The following TMEM35A variants were observed in gnomAD, a reference collection of about 807,000 sequenced individuals.
TMEM35A encodes the protein nicotinic acetylcholine receptor chaperone.
For missense variants in TMEM35A, 83 were observed against 132.7 expected (o/e 0.63, Z 1.84); for synonymous variants, 50 against 54.7 (o/e 0.91, Z 0.38).
intron 1 of TMEM35A, among the ~76,000 whole-genome samples, chrX:101,079,705 C>T (rs924007480): frequency 6.3e-5 from 7 of 111,770 alleles, no homozygotes; most frequent in Non-Finnish European, 1.1e-4. Flanking sequence ...ATAAAGGTCA[C>T]TAAGCTCTTG....
Position 101,094,884 on chromosome X carries a change from T to A in TMEM35A, c.432T>A (p.Pro144=). ...AAGACCGGTCTTCTGAGAAGAAGCC[T>A]TTGCCAGGGAATGCTGAGGAGCAAC... The part of the protein sequence containing the change: ...KPEDRSSEKK[P]LPGNAEEQPS... The change falls in exon 2 of 2, where the codon CCT becomes CCA. Residue 144 remains proline (P), a synonymous_variant. Coordinates refer to ENST00000372930, the MANE Select transcript of TMEM35A (RefSeq NM_021637.3). 1.7e-6 allele frequency: 2 copies of A among 1,209,554 alleles called. No individual in the cohort carries two copies. Among genetic ancestry groups the A allele is most frequent in the Non-Finnish European group, 2.2e-6 (2 of 895,255 alleles).
chrX:101,082,701 A>G (rs887881433), intron 1 of TMEM35A, among the ~76,000 whole-genome samples: 8 of 110,142 alleles, frequency 7.3e-5, no homozygotes, highest in Non-Finnish European at 1.5e-4. Flanking sequence ...CTGGAGTGCA[A>G]TGGTATGATC....
At chrX:101,093,879 C>T (rs751748061) in intron 1 of TMEM35A, among the ~76,000 whole-genome samples, 131 of 111,282 alleles carry the variant, frequency 1.2e-3, no homozygotes, top group Non-Finnish European at 2.1e-3. Context: ...CTAACTGTGT[C>T]CTCACATGGC....
Position 101,094,556 on chromosome X carries a change from C to A in TMEM35A, c.121-17C>A. The A allele has an allele frequency of 8.5e-7, 1 of 1,173,794 alleles. No homozygotes were observed. On this transcript the variant is annotated splice_polypyrimidine_tract_variant and intron_variant, in intron 1 of 1. Coordinates refer to ENST00000372930, the MANE Select transcript of TMEM35A (RefSeq NM_021637.3). ...CATGGTTAATGCAGTAATTTCCTTA[C>A]AATATTCTCACTCTAGAAACGTGCT...
At chrX:101,084,402 T>C (rs2089300805) in intron 1 of TMEM35A, among the ~76,000 whole-genome samples, 1 of 107,515 alleles carries the variant, frequency 9.3e-6, no homozygotes, top group Admixed American at 1.0e-4. Context: ...CAGGCTGAGA[T>C]TTTTTGCCAA....
chrX:101,090,477 A>G (rs2089321044), intron 1 of TMEM35A, among the ~76,000 whole-genome samples: 1 of 108,179 alleles, frequency 9.2e-6, no homozygotes, highest in African/African-American at 3.4e-5. Context: ...CTCTCTTTCC[A>G]TTTTTTAAAT....
At chrX:101,092,878 T>TA (rs1297096984) in intron 1 of TMEM35A, among the ~76,000 whole-genome samples, 1 of 110,751 alleles carries the variant, frequency 9.0e-6, no homozygotes, top group East Asian at 2.8e-4. Context: ...TAAAAATAAA[T>TA]AAATAAAATA....
rs1016764114 is a variant in TMEM35A at position 101,095,012 on chromosome X, A to G, written c.*56A>G. On this transcript the variant is annotated 3_prime_UTR_variant, in exon 2 of 2. Transcript: ENST00000372930. ...AGGCAGTTGCGTCCATGACACCAGGAAGATGTCAGTGTGTGTTTTTCATTT... is the reference window on the plus strand; with the variant it reads ...AGGCAGTTGCGTCCATGACACCAGGGAGATGTCAGTGTGTGTTTTTCATTT... The G allele has an allele frequency of 6.5e-6, 7 of 1,075,407 alleles. No individual in the cohort carries two copies. The Admixed American group carries it at 9.3e-5, about 14-fold the overall frequency. 88.6% of individuals were successfully genotyped at this position (1,075,407 alleles called of 1,213,427 possible).
At chrX:101,091,115 A>G (rs953687824) in intron 1 of TMEM35A, among the ~76,000 whole-genome samples, 4 of 110,857 alleles carry the variant, frequency 3.6e-5, no homozygotes. Context: ...TGCTGGGATT[A>G]CAGGCGTGAG....
chrX:101,089,578 T>TA (rs761258471), intron 1 of TMEM35A, among the ~76,000 whole-genome samples: 3,145 of 83,467 alleles, frequency 0.038, 132 homozygotes, highest in African/African-American at 0.12. Context: ...GGGCTGTCTC[T>TA]AAAAAAAAAA....
At chrX:101,081,638 A>AT (rs1348707041) in intron 1 of TMEM35A, 1 of 111,328 alleles carries the variant, frequency 9.0e-6, no homozygotes, top group African/African-American at 3.3e-5. Context: ...ATTATCTGGG[A>AT]TTTTTTGTTT....
chrX:101,079,430 C>T (rs2089285373), intron 1 of TMEM35A, among the ~76,000 whole-genome samples: 1 of 111,602 alleles, frequency 9.0e-6, no homozygotes, highest in Non-Finnish European at 1.9e-5. Context: ...CCCTTCCCTC[C>T]TTCCAGCACA....
chrX:101,093,470 C>T (rs2148111696), intron 1 of TMEM35A, among the ~76,000 whole-genome samples: 1 of 109,858 alleles, frequency 9.1e-6, no homozygotes, highest in East Asian at 2.9e-4. Flanking sequence ...TGCCCCACCA[C>T]ACCCGGCTAA....
At chrX:101,080,390 C>T (rs1310577662) in intron 1 of TMEM35A, among the ~76,000 whole-genome samples, 1 of 111,890 alleles carries the variant, frequency 8.9e-6, no homozygotes. Context: ...TGGCTTCTGT[C>T]TCAGGGTTTA....
At chrX:101,083,560 T>C (rs891705355) in intron 1 of TMEM35A, among the ~76,000 whole-genome samples, 5 of 112,031 alleles carry the variant, frequency 4.5e-5, no homozygotes, top group African/African-American at 6.5e-5. Flanking sequence ...CCAATATGTT[T>C]GGGCAGTTTA....
At chrX:101,092,379 T>C (rs185192585) in intron 1 of TMEM35A, among the ~76,000 whole-genome samples, 1 of 111,560 alleles carries the variant, frequency 9.0e-6, no homozygotes, top group Admixed American at 9.6e-5. Flanking sequence ...CTAAGATCAA[T>C]ATAATTCTGT....
chrX:101,086,616 A>G (rs1435746851), intron 1 of TMEM35A, among the ~76,000 whole-genome samples: 1 of 112,349 alleles, frequency 8.9e-6, no homozygotes, highest in African/African-American at 3.2e-5. Flanking sequence ...TCAGCTTAAG[A>G]ATCCCAGTCC....
rs1368902945 is a variant in TMEM35A, at chrX:101,094,648, A to G, written c.196A>G (p.Lys66Glu). 1 of 1,211,516 alleles carries G rather than the reference A, an allele frequency of 8.3e-7. No individual in the cohort carries two copies. The highest frequency in any genetic ancestry group is 1.1e-6 in the Non-Finnish European group (1 of 895,464). The change falls in exon 2 of 2, where the codon AAA (lysine) becomes GAA (glutamate). Residue 66 changes from lysine (K) to glutamate (E), a missense_variant. Lys to Glu is a moderately conservative substitution (Grantham distance 56). Coordinates refer to ENST00000372930, the MANE Select transcript of TMEM35A (RefSeq NM_021637.3). Reference sequence around the variant, plus strand: ...GGGGATCAATTCCATTCTCCTCCGAAAAAGCATTGGTGCCCTTGAAGTGGC... The same window carrying G: ...GGGGATCAATTCCATTCTCCTCCGAGAAAGCATTGGTGCCCTTGAAGTGGC... ...KMGINSILLR[K>E]SIGALEVACG...
Position 101,079,017 on chromosome X carries a change from A to T in TMEM35A, c.15A>T (p.Arg5Ser). Reference sequence around the variant, plus strand: ...TTGGCGACCCCATGGCATCCCCCAGAACCGTAACTATTGTGGCCCTCTCAG... The same window carrying T: ...TTGGCGACCCCATGGCATCCCCCAGTACCGTAACTATTGTGGCCCTCTCAG... MASP[R>S]TVTIVALSVA... The change falls in exon 1 of 2, where the codon AGA becomes AGT. Residue 5 changes from arginine (R) to serine (S), a missense_variant. By Grantham distance (110) the Arg-to-Ser change is moderately radical. Coordinates refer to ENST00000372930, the MANE Select transcript of TMEM35A (RefSeq NM_021637.3). The T allele has an allele frequency of 8.3e-7, 1 of 1,211,406 alleles. No homozygotes were observed. The highest frequency in any genetic ancestry group is 1.1e-6 in the Non-Finnish European group (1 of 895,382).
Sources: allele counts gnomAD v4.1 joint callset (sites outside exome capture counted in the v4.1 genomes callset), GRCh38; gene constraint gnomAD v4.1.1; transcripts MANE v1.5; gene names NCBI Gene and HGNC (gene_info 2026-07-23, HGNC 2026-07-21).